ZBTB44: variants seen among roughly 807,000 people sequenced by gnomAD.
The protein encoded by ZBTB44 is zinc finger and BTB domain-containing protein 44.
In ZBTB44, 15 loss-of-function variants were observed where a neutral mutation model predicts 54.0. The ratio of observed to expected loss-of-function variants is 0.28; its 90% CI spans 0.19 to 0.43. The LOEUF (loss-of-function observed/expected upper bound fraction) is 0.43. Ranked by LOEUF, ZBTB44 falls within the 20% of genes least tolerant of loss-of-function variation. ZBTB44 has a pLI of 1.00. For missense variants in ZBTB44, 487 were observed against 707.1 expected (o/e 0.69, Z 3.53); for synonymous variants, 230 against 250.1 (o/e 0.92, Z 0.76).
intron 1 of ZBTB44, among the ~76,000 whole-genome samples, chr11:130,304,476 A>G (rs755210496): frequency 2.6e-5 from 4 of 152,146 alleles, no homozygotes; most frequent in Admixed American, 6.5e-5. Context: ...ATGCTTGACC[A>G]TTTTCAGTGA....
chr11:130,261,845 G>T lies in ZBTB44; in HGVS notation c.29C>A (p.Ser10Tyr). The T allele has an allele frequency of 6.2e-7, 1 of 1,612,176 alleles. No homozygotes were observed. Among genetic ancestry groups the T allele is most frequent in the Non-Finnish European group, 8.5e-7 (1 of 1,178,554 alleles). The part of the protein sequence containing the change: MGVKTFTHS[S>Y]SSHSQEMLGK... ...AAGCATTTCCTGGCTGTGGGAAGAG[G>T]AGCTATGAGTAAATGTTTTCACACC... The change falls in exon 2 of 8, where the codon TCC (serine) becomes TAC (tyrosine). Residue 10 changes from serine to tyrosine, a missense_variant. This residue lies in a region of ZBTB44 where 90 missense variants were observed against 160.3 expected (regional missense o/e 0.56). Transcript: ENST00000357899. This position sits in a 1 kb window ranked among gnomAD's most constrained non-coding sequence, Gnocchi z 4.8.
rs550381967 is a variant in ZBTB44, at chr11:130,297,031, C to G, written c.-57+17344G>C. On this transcript the variant is annotated intron_variant, in intron 1 of 7. Transcript: ENST00000357899. ...TTTAAACACATTAGCAAGAAATCAT[C>G]CGATAGCAGGCAGCTCTCTCATTGA... 7.8e-5 allele frequency: 54 copies of G among 693,976 alleles called. 1 individual carries two copies. In the South Asian group the frequency reaches 8.7e-4, roughly 11 times the overall value. 43.0% of individuals were successfully genotyped at this position (693,976 alleles called of 1,614,324 possible).
intron 2 of ZBTB44, among the ~76,000 whole-genome samples, chr11:130,259,890 T>C (rs943380126): frequency 2.0e-5 from 3 of 151,900 alleles, no homozygotes; most frequent in Non-Finnish European, 1.5e-5. Flanking sequence ...CACCATGGCA[T>C]GTGTATACCT....
At chr11:130,291,989 T>C (rs1941324675) in intron 1 of ZBTB44, among the ~76,000 whole-genome samples, 1 of 152,232 alleles carries the variant, frequency 6.6e-6, no homozygotes, top group African/African-American at 2.4e-5. Context: ...GTAGCTCCAT[T>C]TTCTAGAATT....
At chr11:130,263,050 G>C (rs1279980056) in intron 1 of ZBTB44, among the ~76,000 whole-genome samples, 1 of 152,222 alleles carries the variant, frequency 6.6e-6, no homozygotes, top group Non-Finnish European at 1.5e-5. Context: ...GACAGAGTAA[G>C]ACCCCGTCTA....
At chr11:130,253,514 G>T (rs1938194989) in intron 2 of ZBTB44, among the ~76,000 whole-genome samples, 2 of 152,132 alleles carry the variant, frequency 1.3e-5, no homozygotes, top group Non-Finnish European at 2.9e-5. Context: ...ACTTACAAGG[G>T]ACATGAAGGA....
chr11:130,296,536 T>C, intron 1 of ZBTB44: 1 of 883,436 alleles, frequency 1.1e-6, no homozygotes, highest in Non-Finnish European at 1.8e-6. Flanking sequence ...TCAACTGGAT[T>C]GTTCACTATG....
At chr11:130,287,025 C>T (rs183487019) in intron 1 of ZBTB44, among the ~76,000 whole-genome samples, 29 of 152,340 alleles carry the variant, frequency 1.9e-4, no homozygotes, top group Admixed American at 5.9e-4. Flanking sequence ...TACTGACCAG[C>T]TAGAGTGCTA....
At chr11:130,241,452 T>C (rs1490600117) in intron 2 of ZBTB44, among the ~76,000 whole-genome samples, 1 of 152,214 alleles carries the variant, frequency 6.6e-6, no homozygotes, top group Non-Finnish European at 1.5e-5. Context: ...TCTTACAATA[T>C]TTCATGGTGG....
intron 1 of ZBTB44, among the ~76,000 whole-genome samples, chr11:130,277,079 T>A (rs1309636005): frequency 6.6e-6 from 1 of 152,204 alleles, no homozygotes; most frequent in Non-Finnish European, 1.5e-5. Context: ...TAATGCTGTT[T>A]ATAAACTTAG....
At chr11:130,294,117 T>A (rs1941481428) in intron 1 of ZBTB44, among the ~76,000 whole-genome samples, 1 of 152,072 alleles carries the variant, frequency 6.6e-6, no homozygotes, top group Non-Finnish European at 1.5e-5. Flanking sequence ...ATTTTTTATA[T>A]CCAGTTATAG....
chr11:130,303,461 C>T (rs1432456547), intron 1 of ZBTB44, among the ~76,000 whole-genome samples: 1 of 152,142 alleles, frequency 6.6e-6, no homozygotes. Flanking sequence ...CATGGAGAAA[C>T]CCTGTCTCTA....
chr11:130,283,953 G>A (rs1397762921), intron 1 of ZBTB44, among the ~76,000 whole-genome samples: 1 of 123,182 alleles, frequency 8.1e-6, no homozygotes, highest in Non-Finnish European at 1.6e-5. Flanking sequence ...CTGGGTGACA[G>A]AGTAAGACTC....
chr11:130,284,426 T>C (rs184952254), intron 1 of ZBTB44, among the ~76,000 whole-genome samples: 1 of 152,218 alleles, frequency 6.6e-6, no homozygotes, highest in Non-Finnish European at 1.5e-5. Flanking sequence ...ACTGGTGGCA[T>C]ATACTTGTGC....
chr11:130,307,294 A>G (rs1207097243), intron 1 of ZBTB44, among the ~76,000 whole-genome samples: 4 of 151,864 alleles, frequency 2.6e-5, no homozygotes, highest in Admixed American at 2.6e-4. Context: ...GCATGGTGGC[A>G]GGCACCTGTA....
At chr11:130,273,698 C>T (rs1042613843) in intron 1 of ZBTB44, among the ~76,000 whole-genome samples, 1 of 152,140 alleles carries the variant, frequency 6.6e-6, no homozygotes, top group Admixed American at 6.6e-5. Flanking sequence ...CAACCTTGCT[C>T]AACTTGTTTA....
At chr11:130,296,579 C>T (rs777352988) in intron 1 of ZBTB44, 5 of 922,918 alleles carry the variant, frequency 5.4e-6, no homozygotes, top group South Asian at 2.7e-5. Context: ...ATATATTCAT[C>T]GTGTAGGTAG....
chr11:130,264,791 C>T (rs1939132347), intron 1 of ZBTB44, among the ~76,000 whole-genome samples: 1 of 152,190 alleles, frequency 6.6e-6, no homozygotes, highest in Admixed American at 6.5e-5. Context: ...CATCTTCTTG[C>T]ACTTTGCTTT....
intron 1 of ZBTB44, among the ~76,000 whole-genome samples, chr11:130,293,447 C>G (rs184154191): frequency 1.3e-3 from 193 of 143,812 alleles, no homozygotes; most frequent in African/African-American, 4.9e-3. Flanking sequence ...GCACTCCAGC[C>G]GGGATGACAG....
Sources: gnomAD v4.1 joint callset for allele counts (sites outside exome capture counted in the v4.1 genomes callset) on GRCh38, gnomAD v4.1.1 for gene constraint, gnomAD v4.1.1 regional missense constraint, Gnocchi (gnomAD v3.1) non-coding constraint, MANE v1.5 for transcripts, NCBI Gene and HGNC (gene_info 2026-07-23, HGNC 2026-07-21) for gene names.